Variants in GJC1 observed in about 807,000 individuals in gnomAD.
GJC1 encodes gap junction gamma-1 protein.
GJC1 carries 5 observed loss-of-function variants against 29.3 expected under a neutral mutation model. The observed-to-expected ratio is 0.17, with a 90% CI of 0.09 to 0.36. GJC1 has a LOEUF of 0.36. Among genes scored for constraint, GJC1 ranks in the 10% least tolerant of loss-of-function variants. The pLI, the probability that GJC1 is intolerant of heterozygous loss-of-function variation, is 1.00. For missense variants in GJC1, 310 were observed against 496.2 expected (o/e 0.62, Z 3.56); for synonymous variants, 177 against 183.3 (o/e 0.97, Z 0.28).
At chr17:44,797,197 C>T (rs573148785), downstream of GJC1, among the ~76,000 whole-genome samples, 37 of 152,096 alleles carry the variant, frequency 2.4e-4, no homozygotes, top group African/African-American at 8.9e-4. Context: ...GCTTCGCCTC[C>T]CGGGTTCACG....
At chr17:44,809,632 G>A (rs572006090) in intron 1 of GJC1, among the ~76,000 whole-genome samples, 5 of 150,240 alleles carry the variant, frequency 3.3e-5, no homozygotes, top group Middle Eastern at 3.4e-3. Context: ...GTGCAATGGC[G>A]CGATCTTGGC....
intron 1 of GJC1, among the ~76,000 whole-genome samples, chr17:44,816,968 TG>T (rs1460443114): frequency 6.6e-6 from 1 of 151,930 alleles, no homozygotes; most frequent in African/African-American, 2.4e-5. Context: ...CCCAGCACTT[TG>T]GGAGGCCAAG....
At chr17:44,808,715 T>A (rs1333471333) in intron 1 of GJC1, among the ~76,000 whole-genome samples, 1 of 152,190 alleles carries the variant, frequency 6.6e-6, no homozygotes, top group African/African-American at 2.4e-5. Flanking sequence ...TGAGTTGTGA[T>A]CGTGCCACTG....
intron 1 of GJC1, among the ~76,000 whole-genome samples, chr17:44,813,864 T>C (rs1415062789): frequency 2.6e-5 from 4 of 152,022 alleles, no homozygotes; most frequent in Non-Finnish European, 5.9e-5. Flanking sequence ...CTGGGGAACA[T>C]TTTGAAAACA....
At chr17:44,817,430 G>C (rs2050056007) in intron 1 of GJC1, among the ~76,000 whole-genome samples, 1 of 151,774 alleles carries the variant, frequency 6.6e-6, no homozygotes, top group East Asian at 2.0e-4. Flanking sequence ...AAAGCACAAG[G>C]CCAGGCACGG....
intron 1 of GJC1, among the ~76,000 whole-genome samples, chr17:44,826,528 TAAA>T (rs528084857): frequency 5.1e-5 from 6 of 118,082 alleles, no homozygotes; most frequent in Admixed American, 1.8e-4. Flanking sequence ...AGACTCCGTC[TAAA>T]AAAAAAAAAA....
chr17:44,811,841 T>C (rs903771447), intron 1 of GJC1, among the ~76,000 whole-genome samples: 3 of 151,596 alleles, frequency 2.0e-5, no homozygotes, highest in African/African-American at 7.3e-5. Context: ...CCGTCTCTAC[T>C]AAAAATACAA....
chr17:44,811,737 C>T (rs976196574), intron 1 of GJC1, among the ~76,000 whole-genome samples: 15 of 152,046 alleles, frequency 9.9e-5, no homozygotes, highest in Non-Finnish European at 2.1e-4. Flanking sequence ...GGCGCGGTGG[C>T]TCACGCCTGT....
intron 1 of GJC1, among the ~76,000 whole-genome samples, chr17:44,811,938 G>A (rs1354084725): frequency 6.6e-6 from 1 of 151,900 alleles, no homozygotes; most frequent in Non-Finnish European, 1.5e-5. Context: ...GGGAGGCAGA[G>A]GTTGCAGTGA....
Position 44,803,116 on chromosome 17 carries a change from C to A in GJC1, c.*1511G>T, listed in dbSNP as rs1315860467. ...TACTATTCATCTAAATAATGGAGAA[C>A]TGGCATTTTACAATTAAGATATAAA... On this transcript the variant is annotated 3_prime_UTR_variant, in exon 3 of 3. Transcript: ENST00000592524. 6.6e-6 allele frequency: 1 copy of A among 152,130 alleles called. No homozygotes were observed. The highest frequency in any genetic ancestry group is 1.5e-5 in the Non-Finnish European group (1 of 68,040). 9.4% of individuals were successfully genotyped at this position (152,130 alleles called of 1,614,324 possible).
chr17:44,807,004 T>A (rs1342247481), intron 2 of GJC1, among the ~76,000 whole-genome samples: 1 of 152,160 alleles, frequency 6.6e-6, no homozygotes, highest in African/African-American at 2.4e-5. Context: ...CATACCAGAT[T>A]TTGGTTTTAC....
At chr17:44,813,936 T>C (rs1273310420) in intron 1 of GJC1, among the ~76,000 whole-genome samples, 1 of 152,158 alleles carries the variant, frequency 6.6e-6, no homozygotes, top group African/African-American at 2.4e-5. Context: ...CTGGCAGCTA[T>C]GTATTAACAA....
In GJC1 at chr17:44,809,036, T is replaced by C. The variant is rs377395549; in HGVS notation, c.-96-1567A>G. On this transcript the variant is annotated intron_variant, in intron 1 of 2. Transcript: ENST00000592524. ...TGGAGGTTGCGGTGAGCTGAGATTG[T>C]GCCATTGCACTCTAGCCTGGGCAAC... Among the ~76,000 whole-genome samples, 16 of 152,188 alleles carry C rather than the reference T, an allele frequency of 1.1e-4. No individual in the cohort carries two copies. In the East Asian group the frequency reaches 1.9e-3, roughly 18 times the overall value.
intron 2 of GJC1, among the ~76,000 whole-genome samples, chr17:44,806,102 C>T (rs1486270645): frequency 6.6e-6 from 1 of 151,992 alleles, no homozygotes; most frequent in Non-Finnish European, 1.5e-5. Context: ...GGTGAAACTC[C>T]GTCTCTACAA....
chr17:44,813,796 A>G (rs1231193855), intron 1 of GJC1, among the ~76,000 whole-genome samples: 1 of 151,558 alleles, frequency 6.6e-6, no homozygotes, highest in East Asian at 2.0e-4. Flanking sequence ...CCCGGCCACA[A>G]GTTACCCATT....
At chr17:44,829,030 A>C (rs2145382200) in intron 1 of GJC1, among the ~76,000 whole-genome samples, 1 of 151,226 alleles carries the variant, frequency 6.6e-6, no homozygotes, top group Non-Finnish European at 1.5e-5. Flanking sequence ...AACATATAAC[A>C]AATTTAGACT....
chr17:44,817,214 A>C (rs114966875), intron 1 of GJC1, among the ~76,000 whole-genome samples: 4,989 of 151,658 alleles, frequency 0.033, 164 homozygotes, highest in African/African-American at 0.068. Flanking sequence ...CTCAAAAAAA[A>C]CCCACAAAAA....
chr17:44,821,726 C>CAAAAAAAAAAAA (rs1338508082), intron 1 of GJC1, among the ~76,000 whole-genome samples: 1 of 75,480 alleles, frequency 1.3e-5, no homozygotes, highest in African/African-American at 5.1e-5. Flanking sequence ...AAAAAAAAAA[C>CAAAAAAAAAAAA]AACAAAAAAA....
downstream of GJC1, chr17:44,794,203 G>A (rs899325615): frequency 6.6e-6 from 1 of 152,330 alleles, no homozygotes; most frequent in African/African-American, 2.4e-5. Context: ...GTCTCTTCTA[G>A]GCCAAAGCCC....
Sources: gnomAD v4.1 joint callset for allele counts (sites outside exome capture counted in the v4.1 genomes callset) on GRCh38, gnomAD v4.1.1 for gene constraint, MANE v1.5 for transcripts, NCBI Gene and HGNC (gene_info 2026-07-23, HGNC 2026-07-21) for gene names.